The following FAM193B variants were observed in gnomAD, a reference collection of about 807,000 sequenced individuals.
FAM193B encodes protein FAM193B.
Under a neutral mutation model 70.7 loss-of-function variants are expected in FAM193B, and 27 were observed. That is an observed-to-expected ratio of 0.38 (90% CI 0.28 to 0.53). FAM193B has a LOEUF of 0.53. Among genes scored for constraint, FAM193B ranks in the 20% least tolerant of loss-of-function variants. The pLI, the probability that FAM193B is intolerant of heterozygous loss-of-function variation, is 0.81. For missense variants in FAM193B, 1,022 were observed against 1,072.5 expected, an observed-to-expected ratio of 0.95 and a Z score of 0.66; for synonymous variants, 448 against 436.0, an observed-to-expected ratio of 1.03 and a Z score of -0.34.
intron 1 of FAM193B, among the ~76,000 whole-genome samples, chr5:177,540,934 A>G (rs549003467): frequency 1.3e-5 from 2 of 152,320 alleles, no homozygotes; most frequent in East Asian, 1.9e-4. Flanking sequence ...ATGAGTTAGC[A>G]TTAGGGTATC....
intron 5 of FAM193B, chr5:177,531,881 T>C: frequency 3.4e-6 from 4 of 1,188,152 alleles, no homozygotes; most frequent in South Asian, 1.5e-5. Flanking sequence ...CAAAGGTGAC[T>C]AGCAATTTAA....
At chr5:177,554,073 A>AGAG in intron 1 of FAM193B, 176 bp downstream of exon 1, 3 of 1,368,734 alleles carry the variant, frequency 2.2e-6, no homozygotes, top group Non-Finnish European at 1.9e-6. Flanking sequence ...GGCTTTGGGG[A>AGAG]GAGGGGTCCA....
chr5:177,552,112 C>A, intron 1 of FAM193B: 1 of 972,198 alleles, frequency 1.0e-6, no homozygotes, highest in Non-Finnish European at 1.2e-6. Context: ...TTTAGTTGCT[C>A]TGAGTTTCTG....
intron 7 of FAM193B, 25 bp from the exon 8 acceptor site, chr5:177,522,096 G>A (rs1761836823): frequency 6.3e-7 from 1 of 1,585,424 alleles, no homozygotes; most frequent in South Asian, 1.1e-5. Flanking sequence ...GGACACATGA[G>A]AAGCACAATC....
chr5:177,550,664 T>C (rs1307657279), intron 1 of FAM193B, among the ~76,000 whole-genome samples: 2 of 152,066 alleles, frequency 1.3e-5, no homozygotes, highest in Non-Finnish European at 2.9e-5. Context: ...GAGTGTACAC[T>C]GGATTACAAA....
chr5:177,551,385 G>C (rs1306694292), intron 1 of FAM193B, among the ~76,000 whole-genome samples: 3 of 152,174 alleles, frequency 2.0e-5, no homozygotes, highest in African/African-American at 7.2e-5. Context: ...TGGTTTAGTG[G>C]CCTGAAACAA....
chr5:177,545,508 A>C (rs182148561), intron 1 of FAM193B, among the ~76,000 whole-genome samples: 1 of 152,318 alleles, frequency 6.6e-6, no homozygotes, highest in East Asian at 1.9e-4. Flanking sequence ...TAAACAACAC[A>C]AACAAAAGCT....
chr5:177,529,071 G>C (rs1259456941), intron 5 of FAM193B, among the ~76,000 whole-genome samples: 1 of 152,064 alleles, frequency 6.6e-6, no homozygotes, highest in African/African-American at 2.4e-5. Flanking sequence ...GAAACGGATT[G>C]ACCTGGGAAG....
In FAM193B at chr5:177,532,295, T is replaced by G. The variant is rs2246566; in HGVS notation, c.1275+148A>C. 0.48 allele frequency: 707,959 copies of G among 1,481,674 alleles called. 173,519 individuals are homozygous for G. Among genetic ancestry groups the G allele is most frequent in the East Asian group, 0.62 (25,223 of 40,414 alleles). The allele number at this position is 1,481,674 out of a possible 1,614,324, so 91.8% of individuals were successfully genotyped here. A position where few individuals can be genotyped will look rare whatever the true frequency, so the allele number is the denominator to read the frequency against. ...CTACCTCACAAATGTGCTGTGAGGA[T>G]CAAGCGAGCAGACGCAGGTGCAAGG... is the stretch of plus-strand genomic sequence containing the variant. On this transcript the variant is annotated intron_variant, in intron 5 of 8. Coordinates refer to ENST00000514747, the MANE Select transcript of FAM193B (RefSeq NM_001190946.3). The surrounding 1 kb of genome is among the most constrained non-coding windows in gnomAD (Gnocchi z 4.9).
At chr5:177,553,269 AGCCAAACGCATCTTCC>A (rs1186793998) in intron 1 of FAM193B, 1 of 987,034 alleles carries the variant, frequency 1.0e-6, no homozygotes, top group Non-Finnish European at 1.2e-6. Context: ...GTGTCTGCAG[AGCCAAACGCATCTTCC>A]GCCACGCCTC....
At chr5:177,541,042 C>T (rs767556437) in intron 1 of FAM193B, among the ~76,000 whole-genome samples, 3 of 152,098 alleles carry the variant, frequency 2.0e-5, no homozygotes, top group South Asian at 2.1e-4. Context: ...ATGAAACTTT[C>T]GGAAGTACAA....
At chr5:177,540,005 T>G (rs1764654415) in intron 1 of FAM193B, among the ~76,000 whole-genome samples, 1 of 151,846 alleles carries the variant, frequency 6.6e-6, no homozygotes, top group Non-Finnish European at 1.5e-5. Context: ...TGTGACAAAC[T>G]TGCTTAGAAA....
At position 177,532,145 on chromosome 5, in the gene FAM193B, C is replaced by T. The variant is rs747103533; in HGVS notation, c.1275+298G>A. The T allele has an allele frequency of 4.0e-5, 55 of 1,392,334 alleles. No individual in the cohort carries two copies. The highest frequency in any genetic ancestry group is 1.9e-4 in the Middle Eastern group (1 of 5,264). 86.2% of individuals were successfully genotyped at this position (1,392,334 alleles called of 1,614,324 possible). Reference sequence around the variant, plus strand: ...GCGTTCACTTCTCTGGGATTACACACGTATACATACTCATCAGAATCATAG... The same window carrying T: ...GCGTTCACTTCTCTGGGATTACACATGTATACATACTCATCAGAATCATAG... On this transcript the variant is annotated intron_variant, in intron 5 of 8. Coordinates refer to ENST00000514747, the MANE Select transcript of FAM193B (RefSeq NM_001190946.3). The surrounding 1 kb of genome is among the most constrained non-coding windows in gnomAD (Gnocchi z 4.9).
chr5:177,528,919 G>A (rs926299544), intron 5 of FAM193B, among the ~76,000 whole-genome samples: 3 of 152,190 alleles, frequency 2.0e-5, no homozygotes, highest in African/African-American at 7.2e-5. Flanking sequence ...TGGAACCCAG[G>A]GCTGCAGTGT....
intron 1 of FAM193B, among the ~76,000 whole-genome samples, chr5:177,546,874 T>C (rs2127486790): frequency 6.6e-6 from 1 of 152,316 alleles, no homozygotes; most frequent in South Asian, 2.1e-4. Context: ...CTGAACTGCC[T>C]CCTGGGTGCA....
chr5:177,545,709 T>C (rs1765350486), intron 1 of FAM193B, among the ~76,000 whole-genome samples: 1 of 151,486 alleles, frequency 6.6e-6, no homozygotes. Flanking sequence ...CTCAATTTTC[T>C]AGCTTGGCCT....
In FAM193B at chr5:177,546,094, T is replaced by A. The variant is rs536188676; in HGVS notation, c.211-6947A>T. ...GAAAAACTCATTGTCATAGTTATCA[T>A]CAGTCACTCTTCCATTCACCCATTT... On this transcript the variant is annotated intron_variant, in intron 1 of 8. Transcript: ENST00000514747. 4.6e-5 allele frequency among the ~76,000 whole-genome samples: 7 copies of A among 152,346 alleles called. No homozygotes were observed. The South Asian group carries it at 1.2e-3, about 27-fold the overall frequency.
chr5:177,531,238 C>T, intron 5 of FAM193B: 1 of 1,229,380 alleles, frequency 8.1e-7, no homozygotes, highest in Non-Finnish European at 1.1e-6. Context: ...GGCGAGGGTC[C>T]TCAGGGAGGA....
chr5:177,546,160 A>G (rs1178475725), intron 1 of FAM193B, among the ~76,000 whole-genome samples: 1 of 152,232 alleles, frequency 6.6e-6, no homozygotes, highest in East Asian at 1.9e-4. Flanking sequence ...GTCTCCTGCC[A>G]ATTGTGCTAA....
Sources: gnomAD v4.1 joint callset for allele counts (sites outside exome capture counted in the v4.1 genomes callset) on GRCh38, gnomAD v4.1.1 for gene constraint, Gnocchi (gnomAD v3.1) non-coding constraint, MANE v1.5 for transcripts, NCBI Gene and HGNC (gene_info 2026-07-23, HGNC 2026-07-21) for gene names.